The following POLQ variants were observed in gnomAD, a reference collection of about 807,000 sequenced individuals.
The protein encoded by POLQ is DNA polymerase theta.
POLQ carries 233 observed loss-of-function variants against 259.2 expected under a neutral mutation model. That is an observed-to-expected ratio of 0.90 (90% CI 0.81 to 1.00). The LOEUF is 1.00. POLQ is among the 50% of genes least tolerant of loss of function. The pLI, the probability that POLQ is intolerant of heterozygous loss-of-function variation, is 0.00. For missense variants in POLQ, 2,871 were observed against 3,051.6 expected, an observed-to-expected ratio of 0.94 and a Z score of 1.39; for synonymous variants, 1,025 against 1,048.8, an observed-to-expected ratio of 0.98 and a Z score of 0.44.
chr3:121,462,956 T>C (rs1198182931), intron 24 of POLQ, among the ~76,000 whole-genome samples: 2 of 152,236 alleles, frequency 1.3e-5, no homozygotes, highest in Non-Finnish European at 2.9e-5. Context: ...GTGGCAACCA[T>C]AACGTCCGCA....
intron 24 of POLQ, among the ~76,000 whole-genome samples, chr3:121,464,147 G>A (rs2047816255): frequency 6.6e-6 from 1 of 152,180 alleles, no homozygotes; most frequent in Admixed American, 6.5e-5. Context: ...GCATATATTT[G>A]AGGCTCCAAG....
intron 24 of POLQ, among the ~76,000 whole-genome samples, chr3:121,466,053 A>G (rs189170777): frequency 9.5e-4 from 145 of 152,304 alleles, no homozygotes; most frequent in African/African-American, 3.2e-3. Flanking sequence ...AAGGAAATTA[A>G]AAGTGTTACT....
intron 6 of POLQ, among the ~76,000 whole-genome samples, chr3:121,530,460 G>A (rs890842209): frequency 1.3e-5 from 2 of 152,014 alleles, no homozygotes; most frequent in Admixed American, 6.6e-5. Flanking sequence ...ATCATAAGTC[G>A]AAGAGCATGT....
intron 19 of POLQ, among the ~76,000 whole-genome samples, chr3:121,479,460 T>C (rs1250982836): frequency 6.6e-6 from 1 of 151,262 alleles, no homozygotes; most frequent in Non-Finnish European, 1.5e-5. Context: ...ATATATATTT[T>C]GTTTGTTTGT....
At chr3:121,539,614 A>G (rs962796700) in intron 3 of POLQ, 25 bp from the exon 4 acceptor site, 19 of 1,594,640 alleles carry the variant, frequency 1.2e-5, no homozygotes, top group Middle Eastern at 1.7e-4. Flanking sequence ...AAGGAACAAT[A>G]CAGGTGAAAA....
In POLQ at chr3:121,432,338, G is replaced by GCGCCTA; in HGVS notation, c.7733_7738dup (p.Gly2579_Ala2580insValGly). 1 of 1,606,130 alleles carries GCGCCTA rather than the reference G, an allele frequency of 6.2e-7. No homozygotes were observed. The highest frequency in any genetic ancestry group is 8.5e-7 in the Non-Finnish European group (1 of 1,176,390). On this transcript the variant is annotated inframe_insertion, in exon 30 of 30. Coordinates refer to ENST00000264233, the MANE Select transcript of POLQ (RefSeq NM_199420.4). The stretch of plus-strand genomic sequence containing the variant: ...AAAGTCCTTTAGCTCTCCCCAGCTG[G>GCGCCTA]CGCCTATTTTCACTTTCACTTTCAA...
rs35501854 is a variant in POLQ at position 121,491,282 on chromosome 3, C to T, written c.2523-874G>A. Among the ~76,000 whole-genome samples, 521 of 137,832 alleles carry T rather than the reference C, an allele frequency of 3.8e-3. 3 individuals carry two copies. The highest frequency in any genetic ancestry group is 0.013 in the African/African-American group (497 of 36,828). The allele number at this position is 137,832 out of a possible 152,430, so 90.4% of individuals were successfully genotyped here. ...ACAGAAGAATTGCTTGAACCCAGGA[C>T]GCAGAGGTTGCAGTGAGCCGAGATT... On this transcript the variant is annotated intron_variant, in intron 15 of 29. Transcript: ENST00000264233.
chr3:121,476,602 T>G lies in POLQ; in HGVS notation c.6343A>C (p.Thr2115Pro). The G allele has an allele frequency of 6.2e-7, 1 of 1,614,010 alleles. No homozygotes were observed. Among genetic ancestry groups the G allele is most frequent in the Non-Finnish European group, 8.5e-7 (1 of 1,179,930 alleles). ...IMQAKLDAIE[T>P]QAYQLAGHSF... is the part of the protein sequence containing the mutation. ...TGGCCAGCTAGTTGATAGGCCTGGGTCTCAATTGCATCCAGCTTGGCTTGC... is the reference window on the plus strand; with the variant it reads ...TGGCCAGCTAGTTGATAGGCCTGGGGCTCAATTGCATCCAGCTTGGCTTGC... Residue 2115 changes from threonine to proline, a missense_variant, in exon 20 of 30, where the codon ACC becomes CCC. This residue lies in a region of POLQ where 2,080 missense variants were observed against 2,126.0 expected (regional missense o/e 0.98). Coordinates refer to ENST00000264233, the MANE Select transcript of POLQ (RefSeq NM_199420.4).
At chr3:121,467,714 A>T (rs1430816987) in intron 23 of POLQ, 74 bp from the exon 24 acceptor site, 29 of 1,435,198 alleles carry the variant, frequency 2.0e-5, no homozygotes, top group Non-Finnish European at 2.0e-5. Flanking sequence ...ATTTTCAGTA[A>T]CATCAGTATT....
intron 26 of POLQ, among the ~76,000 whole-genome samples, chr3:121,447,761 C>T (rs1163162643): frequency 1.3e-5 from 2 of 152,158 alleles, no homozygotes; most frequent in African/African-American, 4.8e-5. Flanking sequence ...CCTCAGCTTT[C>T]ATTTGTCTGA....
intron 22 of POLQ, 21 bp downstream of exon 22, chr3:121,471,969 A>C: frequency 7.5e-7 from 1 of 1,332,084 alleles, no homozygotes; most frequent in Non-Finnish European, 1.0e-6. Context: ...GATATTGTTT[A>C]TACTTAAGAT....
At chr3:121,438,191 G>A (rs550243463) in intron 27 of POLQ, among the ~76,000 whole-genome samples, 3 of 152,238 alleles carry the variant, frequency 2.0e-5, no homozygotes, top group South Asian at 2.1e-4. Flanking sequence ...CAACCTGGCT[G>A]TGTTTACTCT....
intron 5 of POLQ, among the ~76,000 whole-genome samples, chr3:121,534,388 G>A (rs1001640508): frequency 6.6e-6 from 1 of 151,710 alleles, no homozygotes; most frequent in Non-Finnish European, 1.5e-5. Context: ...GGAGTGCAAA[G>A]GCACGATCTT....
Position 121,487,795 on chromosome 3 carries a change from G to A in POLQ, c.5136C>T (p.Ala1712=), listed in dbSNP as rs767885700. The change falls in exon 16 of 30, where the codon GCC becomes GCT. Residue 1712 remains alanine (A), a synonymous_variant. Transcript: ENST00000264233. ...AGAGGGATGAGGTTTCATCATGATT[G>A]GCATTGTTTTCTAGCATCTCAATCT... ...KSKIEMLENN[A]NHDETSSLLP... 3 of 1,609,516 alleles carry A rather than the reference G, an allele frequency of 1.9e-6. No individual in the cohort carries two copies. Among genetic ancestry groups the A allele is most frequent in the Non-Finnish European group, 2.5e-6 (3 of 1,178,200 alleles).
intron 2 of POLQ, among the ~76,000 whole-genome samples, chr3:121,542,110 TG>T (rs34442880): frequency 1.4e-5 from 2 of 147,202 alleles, no homozygotes; most frequent in East Asian, 4.0e-4. Context: ...CACTCCAGCC[TG>T]GGCGACAGTG....
chr3:121,443,685 T>C (rs1046373819), intron 26 of POLQ, among the ~76,000 whole-genome samples: 2 of 152,238 alleles, frequency 1.3e-5, no homozygotes, highest in African/African-American at 4.8e-5. Context: ...ACTGATATAC[T>C]GGAGAGTTTC....
At chr3:121,533,765 C>T (rs932904943) in intron 5 of POLQ, among the ~76,000 whole-genome samples, 3 of 152,268 alleles carry the variant, frequency 2.0e-5, no homozygotes, top group Admixed American at 6.5e-5. Flanking sequence ...TTACCCACCT[C>T]GGCCTCCCGA....
chr3:121,489,600 TA>T lies in POLQ; in HGVS notation c.3330del (p.Asn1110LysfsTer9). On this transcript the variant is annotated frameshift_variant, in exon 16 of 30. Transcript: ENST00000264233. LOFTEE classifies it high-confidence loss of function. ...TTTATTTGTAATGGGAATGATGTTT[TA>T]TTATCTTTTTCCTTACCACTCAAAG... is the stretch of plus-strand genomic sequence containing the variant. ...NVSLSGKEKD[N>X]KTSFPLQIKQ... 1 of 1,613,360 alleles carries T rather than the reference TA, an allele frequency of 6.2e-7. No homozygotes were observed. Among genetic ancestry groups the T allele is most frequent in the Non-Finnish European group, 8.5e-7 (1 of 1,179,664 alleles).
At chr3:121,518,447 C>T (rs896729487) in intron 9 of POLQ, among the ~76,000 whole-genome samples, 1 of 152,206 alleles carries the variant, frequency 6.6e-6, no homozygotes, top group Non-Finnish European at 1.5e-5. Context: ...TGTTCAACCA[C>T]AGCAGGGAAA....
Sources: allele counts gnomAD v4.1 joint callset (sites outside exome capture counted in the v4.1 genomes callset), GRCh38; gene constraint gnomAD v4.1.1; regional missense constraint gnomAD v4.1.1; transcripts MANE v1.5; gene names NCBI Gene and HGNC (gene_info 2026-07-23, HGNC 2026-07-21).